The following PREX1 variants were observed in gnomAD, a reference collection of about 807,000 sequenced individuals.
The protein encoded by PREX1 is phosphatidylinositol-3,4,5-trisphosphate dependent Rac exchange factor 1, also known as phosphatidylinositol 3,4,5-trisphosphate-dependent Rac exchanger 1 protein.
Under a neutral mutation model 198.3 loss-of-function variants are expected in PREX1, and 41 were observed. The ratio of observed to expected loss-of-function variants is 0.21; its 90% CI spans 0.16 to 0.27. The LOEUF is 0.27. PREX1 is among the 10% of genes least tolerant of loss of function. The pLI, the probability that PREX1 is intolerant of heterozygous loss-of-function variation, is 1.00. For synonymous variants in PREX1, 843 were observed against 887.2 expected (o/e 0.95, Z 0.89); for missense variants, 1,620 against 2,200.7 (o/e 0.74, Z 5.28).
intron 1 of PREX1, among the ~76,000 whole-genome samples, chr20:48,813,419 G>A (rs2090445116): frequency 6.6e-6 from 1 of 152,220 alleles, no homozygotes; most frequent in African/African-American, 2.4e-5. Flanking sequence ...GGGTGGGGAT[G>A]GGCGAGGAGA....
At chr20:48,777,162 AG>A (rs1296938719) in intron 1 of PREX1, among the ~76,000 whole-genome samples, 1 of 152,152 alleles carries the variant, frequency 6.6e-6, no homozygotes, top group Non-Finnish European at 1.5e-5. Context: ...CACACTGGGA[AG>A]GGGGAAGTAC....
At chr20:48,640,003 G>T in intron 29 of PREX1, 109 bp from the exon 30 acceptor site, 1 of 1,408,270 alleles carries the variant, frequency 7.1e-7, no homozygotes, top group Non-Finnish European at 9.7e-7. Context: ...CATAATCCTA[G>T]ATCAAGGGAG....
intron 4 of PREX1, among the ~76,000 whole-genome samples, chr20:48,732,896 G>A (rs1490514844): frequency 6.6e-6 from 1 of 151,246 alleles, no homozygotes; most frequent in Admixed American, 6.6e-5. Context: ...GAAGTAGGAT[G>A]TAGTCAAAGG....
chr20:48,745,069 C>T lies in PREX1; in HGVS notation c.370G>A (p.Glu124Lys). The T allele has an allele frequency of 6.2e-7, 1 of 1,614,136 alleles. No individual in the cohort carries two copies. The highest frequency in any genetic ancestry group is 8.5e-7 in the Non-Finnish European group (1 of 1,179,972). Residue 124 changes from glutamate to lysine, a missense_variant, in exon 3 of 40, where the codon GAG (glutamate) becomes AAG (lysine). Around this residue, in one of 7 missense-constraint regions of PREX1, gnomAD observed 488 missense variants for 802.5 expected, o/e 0.61. Coordinates refer to ENST00000371941, the MANE Select transcript of PREX1 (RefSeq NM_020820.4). ...LAALEYCLHPEPQSQHELGNV... is the reference protein window; with the variant it reads ...LAALEYCLHPKPQSQHELGNV... The stretch of plus-strand genomic sequence containing the variant: ...CCAAGTTCATGCTGAGACTGCGGCT[C>T]CGGGTGTAAACAATACTCCAAGGCG...
At chr20:48,815,991 C>T (rs999501318) in intron 1 of PREX1, among the ~76,000 whole-genome samples, 14 of 129,854 alleles carry the variant, frequency 1.1e-4, no homozygotes, top group African/African-American at 4.2e-4. Context: ...GCCTTGGCAA[C>T]AGAGTGAGAC....
chr20:48,627,259 G>T (rs1001946708), intron 39 of PREX1, among the ~76,000 whole-genome samples: 4 of 151,890 alleles, frequency 2.6e-5, no homozygotes, highest in African/African-American at 9.7e-5. Context: ...ACGGGGCGGG[G>T]GCTCAGGGCT....
chr20:48,853,968 C>T, the PREX1 span, among the ~76,000 whole-genome samples: 1 of 152,218 alleles, frequency 6.6e-6, no homozygotes. Context: ...CCACAGCCTT[C>T]TCTCCATGGG....
At chr20:48,693,486 T>C (rs572893812) in intron 7 of PREX1, among the ~76,000 whole-genome samples, 1 of 152,306 alleles carries the variant, frequency 6.6e-6, no homozygotes, top group African/African-American at 2.4e-5. Context: ...GACGGCACCA[T>C]CTATGAAGCA....
intron 13 of PREX1, among the ~76,000 whole-genome samples, 155 bp downstream of exon 13, chr20:48,679,205 G>A (rs1429700559): frequency 6.6e-6 from 1 of 152,194 alleles, no homozygotes; most frequent in East Asian, 1.9e-4. Flanking sequence ...ATTTAATTCA[G>A]TTAATCCTAA....
At chr20:48,756,745 GC>G (rs2122821065) in intron 1 of PREX1, among the ~76,000 whole-genome samples, 1 of 152,246 alleles carries the variant, frequency 6.6e-6, no homozygotes, top group East Asian at 1.9e-4. Flanking sequence ...TATCTGCAGG[GC>G]CCCACCCTCA....
chr20:48,743,579 T>C (rs538320811), intron 3 of PREX1, among the ~76,000 whole-genome samples: 1 of 152,318 alleles, frequency 6.6e-6, no homozygotes, highest in African/African-American at 2.4e-5. Flanking sequence ...ATTCCAAAGA[T>C]GGAGGAGCGT....
chr20:48,749,366 G>A (rs2090124038), intron 1 of PREX1, among the ~76,000 whole-genome samples: 1 of 152,326 alleles, frequency 6.6e-6, no homozygotes, highest in East Asian at 1.9e-4. Context: ...CTCCAGGTGA[G>A]CACATGGTCT....
intron 1 of PREX1, among the ~76,000 whole-genome samples, chr20:48,813,473 T>C (rs868585928): frequency 6.6e-6 from 1 of 152,212 alleles, no homozygotes; most frequent in Non-Finnish European, 1.5e-5. Context: ...AATCTGAATA[T>C]AGACTGTGCA....
Position 48,625,944 on chromosome 20 carries a change from A to G in PREX1, c.4938-17T>C, listed in dbSNP as rs374400786. The G allele has an allele frequency of 5.2e-6, 8 of 1,545,784 alleles. No homozygotes were observed. The African/African-American group carries it at 1.1e-4, about 22-fold the overall frequency. ...CGGTAGAGGCTGGGGATGGAGGCAA[A>G]GAGAATGAGGAGAGGCCGGGGCGGG... On this transcript the variant is annotated splice_polypyrimidine_tract_variant and intron_variant, in intron 39 of 39. Coordinates refer to ENST00000371941, the MANE Select transcript of PREX1 (RefSeq NM_020820.4).
At chr20:48,627,526 G>A in intron 39 of PREX1, 22 bp downstream of exon 39, 6 of 1,613,646 alleles carry the variant, frequency 3.7e-6, no homozygotes, top group Non-Finnish European at 5.1e-6. Flanking sequence ...GACAGGAAGG[G>A]GCGGACGAGG....
the PREX1 span, among the ~76,000 whole-genome samples, chr20:48,860,004 T>TGTGA: frequency 6.6e-6 from 1 of 151,792 alleles, no homozygotes; most frequent in Non-Finnish European, 1.5e-5. Flanking sequence ...GGCAACAGAG[T>TGTGA]GTGACTCTGT....
At chr20:48,636,949 T>C (rs3935549) in intron 31 of PREX1, among the ~76,000 whole-genome samples, 92,565 of 152,138 alleles carry the variant, frequency 0.61, 31,010 homozygotes, top group African/African-American at 0.91. Flanking sequence ...CAAACAAACA[T>C]CTTGTGATTT....
Position 48,676,320 on chromosome 20 carries a change from G to T in PREX1, c.1590-52C>A, listed in dbSNP as rs545600437. 76 of 1,558,390 alleles carry T rather than the reference G, an allele frequency of 4.9e-5. No individual in the cohort carries two copies. In the East Asian group the frequency reaches 1.6e-3, roughly 33 times the overall value. On this transcript the variant is annotated intron_variant, in intron 13 of 39. Coordinates refer to ENST00000371941, the MANE Select transcript of PREX1 (RefSeq NM_020820.4). ...GCAGGGCAGGGCGGGGAGGACAGAG[G>T]TGGGGGTGGTCCTGACTTCCCTGCA...
At chr20:48,755,679 C>G (rs2090153356) in intron 1 of PREX1, among the ~76,000 whole-genome samples, 1 of 152,182 alleles carries the variant, frequency 6.6e-6, no homozygotes, top group Non-Finnish European at 1.5e-5. Flanking sequence ...AGTGATGGTA[C>G]AGCCAACATA....
Sources: allele counts gnomAD v4.1 joint callset (sites outside exome capture counted in the v4.1 genomes callset), GRCh38; gene constraint gnomAD v4.1.1; regional missense constraint gnomAD v4.1.1; transcripts MANE v1.5; gene names NCBI Gene and HGNC (gene_info 2026-07-23, HGNC 2026-07-21).